Variants in THSD7A observed in about 807,000 individuals in gnomAD.
The protein encoded by THSD7A is thrombospondin type 1 domain containing 7A.
THSD7A carries 96 observed loss-of-function variants against 231.3 expected under a neutral mutation model. The observed-to-expected ratio is 0.41, with a 90% CI of 0.35 to 0.49. The LOEUF is 0.49. Among genes scored for constraint, THSD7A ranks in the 20% least tolerant of loss-of-function variants. The probability of loss-of-function intolerance (pLI) is 0.05; values close to 1 mark genes in which losing one functional copy is unlikely to be tolerated. For synonymous variants in THSD7A, 940 were observed against 743.3 expected, an observed-to-expected ratio of 1.26 and a Z score of -4.30; for missense variants, 2,290 against 2,070.2, an observed-to-expected ratio of 1.11 and a Z score of -2.06.
chr7:11,659,214 G>A (rs1266223135), intron 1 of THSD7A, among the ~76,000 whole-genome samples: 1 of 151,582 alleles, frequency 6.6e-6, no homozygotes, highest in Non-Finnish European at 1.5e-5. Flanking sequence ...AAAGGCACTG[G>A]AGCAAACTAT....
intron 1 of THSD7A, among the ~76,000 whole-genome samples, chr7:11,793,143 G>A (rs561724178): frequency 4.0e-5 from 6 of 151,588 alleles, no homozygotes; most frequent in Non-Finnish European, 8.8e-5. Flanking sequence ...AAATTAAGCT[G>A]AAAAAAATGA....
At chr7:11,568,986 C>CAAAAAA (rs34929385) in intron 4 of THSD7A, among the ~76,000 whole-genome samples, 3 of 143,056 alleles carry the variant, frequency 2.1e-5, no homozygotes, top group African/African-American at 7.9e-5. Flanking sequence ...ACAATAGCTA[C>CAAAAAA]AAAAAAAAAA....
intron 8 of THSD7A, among the ~76,000 whole-genome samples, chr7:11,472,295 A>T (rs1245491439): frequency 6.6e-6 from 1 of 152,104 alleles, no homozygotes; most frequent in African/African-American, 2.4e-5. Flanking sequence ...ATGTGATAGG[A>T]ACTGAAGTTT....
intron 1 of THSD7A, among the ~76,000 whole-genome samples, chr7:11,809,589 G>A (rs1298794685): frequency 6.6e-6 from 1 of 151,846 alleles, no homozygotes; most frequent in African/African-American, 2.4e-5. Flanking sequence ...TATTTTTTTT[G>A]TGAAGAGGAG....
chr7:11,562,691 A>G (rs1790124148), intron 4 of THSD7A, among the ~76,000 whole-genome samples: 1 of 152,202 alleles, frequency 6.6e-6, no homozygotes, highest in African/African-American at 2.4e-5. Context: ...GACAAATAAA[A>G]TTAGTTACAA....
chr7:11,574,061 G>T (rs1057444922), intron 4 of THSD7A, among the ~76,000 whole-genome samples: 1 of 152,140 alleles, frequency 6.6e-6, no homozygotes. Context: ...GATTAGAGAC[G>T]TCACGTAGAA....
At chr7:11,685,507 G>C (rs984330793) in intron 1 of THSD7A, among the ~76,000 whole-genome samples, 1 of 151,718 alleles carries the variant, frequency 6.6e-6, no homozygotes, top group African/African-American at 2.4e-5. Flanking sequence ...GAGTCTGCAA[G>C]GAACTTAAAC....
In THSD7A at chr7:11,430,043, C is replaced by T. The variant is rs565319428; in HGVS notation, c.3065-918G>A. Among the ~76,000 whole-genome samples, 12 of 152,258 alleles carry T rather than the reference C, an allele frequency of 7.9e-5. No homozygotes were observed. In the South Asian group the frequency reaches 1.0e-3, roughly 13 times the overall value. On this transcript the variant is annotated intron_variant, in intron 13 of 27. Transcript: ENST00000423059. ...AAAATTCCTCTAGTCAAGAATGAAA[C>T]GCACGGTTGTCCTCTATAATAGTCT...
intron 6 of THSD7A, among the ~76,000 whole-genome samples, chr7:11,536,777 C>A (rs1442299418): frequency 6.6e-6 from 1 of 152,142 alleles, no homozygotes; most frequent in Non-Finnish European, 1.5e-5. Context: ...TATGAATATT[C>A]TGAATCAGTC....
chr7:11,421,960 A>C (rs1345100533), intron 16 of THSD7A, among the ~76,000 whole-genome samples: 1 of 152,208 alleles, frequency 6.6e-6, no homozygotes, highest in African/African-American at 2.4e-5. Context: ...AGCCCAAAGG[A>C]AGGCACTTTA....
At chr7:11,803,506 T>A (rs565104360) in intron 1 of THSD7A, among the ~76,000 whole-genome samples, 1 of 152,196 alleles carries the variant, frequency 6.6e-6, no homozygotes, top group African/African-American at 2.4e-5. Flanking sequence ...GTAAGAGCTA[T>A]GAGATTGAGA....
chr7:11,536,981 A>G (rs546697124), intron 6 of THSD7A, among the ~76,000 whole-genome samples: 3 of 152,266 alleles, frequency 2.0e-5, no homozygotes, highest in Admixed American at 1.3e-4. Context: ...TTGTACTATA[A>G]GACTTAAAAT....
At chr7:11,510,318 G>T (rs1185179323) in intron 6 of THSD7A, among the ~76,000 whole-genome samples, 1 of 152,148 alleles carries the variant, frequency 6.6e-6, no homozygotes, top group Non-Finnish European at 1.5e-5. Context: ...GGACCAGACG[G>T]ATTCACAGCC....
intron 1 of THSD7A, among the ~76,000 whole-genome samples, chr7:11,696,386 T>C (rs550591394): frequency 6.6e-6 from 1 of 151,676 alleles, no homozygotes; most frequent in Admixed American, 6.6e-5. Context: ...AGGAAGTCAA[T>C]TCTAATTCAT....
rs543120807 is a variant in THSD7A, at chr7:11,783,408, C to T, written c.190+48349G>A. Among the ~76,000 whole-genome samples the T allele has an allele frequency of 3.3e-5, 5 of 150,092 alleles. No individual in the cohort carries two copies. In the East Asian group the frequency reaches 9.9e-4, roughly 30 times the overall value. On this transcript the variant is annotated intron_variant, in intron 1 of 27. Transcript: ENST00000423059. ...TACTCAAAGTATGGTGCCTGCTGAA[C>T]GTGTATCACTCTCTCACCATTGTAA... is the stretch of plus-strand genomic sequence containing the variant.
intron 4 of THSD7A, among the ~76,000 whole-genome samples, chr7:11,569,819 T>G (rs777717598): frequency 1.3e-5 from 2 of 152,226 alleles, no homozygotes; most frequent in Non-Finnish European, 2.9e-5. Context: ...TTGGTACATG[T>G]ACACAATGGT....
intron 1 of THSD7A, among the ~76,000 whole-genome samples, chr7:11,638,331 T>C (rs1306758967): frequency 6.6e-6 from 1 of 152,236 alleles, no homozygotes; most frequent in Non-Finnish European, 1.5e-5. Flanking sequence ...TAGATTCCAG[T>C]TCCAACTTTT....
At chr7:11,454,335 T>C (rs1460071666) in intron 11 of THSD7A, among the ~76,000 whole-genome samples, 2 of 151,956 alleles carry the variant, frequency 1.3e-5, no homozygotes, top group African/African-American at 4.8e-5. Context: ...TATAACATTC[T>C]CAATACCCAA....
At chr7:11,679,197 C>A (rs1483574791) in intron 1 of THSD7A, among the ~76,000 whole-genome samples, 2 of 152,104 alleles carry the variant, frequency 1.3e-5, no homozygotes, top group East Asian at 1.9e-4. Flanking sequence ...TGTAACATAT[C>A]TCAAAATAAT....
Sources: allele counts gnomAD v4.1 joint callset (sites outside exome capture counted in the v4.1 genomes callset), GRCh38; gene constraint gnomAD v4.1.1; transcripts MANE v1.5; gene names NCBI Gene and HGNC (gene_info 2026-07-23, HGNC 2026-07-21).